MCTP2: variants seen among roughly 807,000 people sequenced by gnomAD.
MCTP2 encodes the protein multiple C2 and transmembrane domain containing 2.
A neutral mutation model predicts 111.6 loss-of-function variants in MCTP2; 132 were observed. The observed-to-expected ratio is 1.18, with a 90% CI of 1.03 to 1.37. The LOEUF is 1.37. MCTP2 is among the 40% of genes most tolerant of loss of function. The pLI is 0.00. For synonymous variants in MCTP2, 395 were observed against 387.7 expected, an observed-to-expected ratio of 1.02 and a Z score of -0.22; for missense variants, 1,183 against 1,067.9, an observed-to-expected ratio of 1.11 and a Z score of -1.50.
intron 1 of MCTP2, among the ~76,000 whole-genome samples, chr15:94,263,820 C>T (rs2073346442): frequency 6.6e-6 from 1 of 152,194 alleles, no homozygotes; most frequent in South Asian, 2.1e-4. Flanking sequence ...CACAAAAGTG[C>T]TGTGGGGTTA....
At chr15:94,283,236 G>A (rs1218634981) in intron 1 of MCTP2, among the ~76,000 whole-genome samples, 2 of 152,178 alleles carry the variant, frequency 1.3e-5, no homozygotes, top group Non-Finnish European at 2.9e-5. Flanking sequence ...CCTGGGAGAG[G>A]CCAGCAGACA....
At chr15:94,283,489 G>A (rs2074599989) in intron 1 of MCTP2, among the ~76,000 whole-genome samples, 1 of 152,168 alleles carries the variant, frequency 6.6e-6, no homozygotes, top group African/African-American at 2.4e-5. Context: ...AATATCTGGG[G>A]GGGTTGTGGG....
rs555621004 is a variant in MCTP2, at chr15:94,399,840, G to A, written c.1891-81G>A. On this transcript the variant is annotated intron_variant, in intron 15 of 22. Coordinates refer to ENST00000357742, the MANE Select transcript of MCTP2 (RefSeq NM_001385001.1). ...AGAGTCAGAAGCTATTGGTCTGCACGATTTTCCCAGTCATTAAGAAAACTA... is the reference window on the plus strand; with the variant it reads ...AGAGTCAGAAGCTATTGGTCTGCACAATTTTCCCAGTCATTAAGAAAACTA... The A allele has an allele frequency of 3.0e-5, 38 of 1,249,108 alleles. 1 individual carries two copies. In the Middle Eastern group the frequency reaches 5.7e-4, roughly 19 times the overall value. 77.4% of individuals were successfully genotyped at this position (1,249,108 alleles called of 1,614,324 possible).
chr15:94,440,489 C>T (rs1183947877), intron 18 of MCTP2, among the ~76,000 whole-genome samples, 191 bp downstream of exon 18: 1 of 152,184 alleles, frequency 6.6e-6, no homozygotes, highest in South Asian at 2.1e-4. Context: ...TGGCATCTTA[C>T]GTTCCTGAGT....
At chr15:94,436,343 A>T (rs948548765) in intron 17 of MCTP2, among the ~76,000 whole-genome samples, 2 of 152,208 alleles carry the variant, frequency 1.3e-5, no homozygotes, top group Non-Finnish European at 2.9e-5. Flanking sequence ...TTCTTTGAAG[A>T]TGCTTAGATA....
intron 17 of MCTP2, among the ~76,000 whole-genome samples, chr15:94,413,932 C>A (rs997424838): frequency 1.3e-5 from 2 of 152,004 alleles, no homozygotes; most frequent in African/African-American, 4.8e-5. Flanking sequence ...TATATATATT[C>A]ATTTATGGTT....
chr15:94,438,422 A>G (rs1219795928), intron 17 of MCTP2, among the ~76,000 whole-genome samples: 1 of 152,130 alleles, frequency 6.6e-6, no homozygotes, highest in Non-Finnish European at 1.5e-5. Context: ...AAGGTTGACA[A>G]AAAGAACACG....
chr15:94,285,648 A>G (rs2074715431), intron 1 of MCTP2, among the ~76,000 whole-genome samples: 1 of 152,184 alleles, frequency 6.6e-6, no homozygotes, highest in Admixed American at 6.5e-5. Flanking sequence ...TTGGAATTAA[A>G]GTGGATGTGT....
chr15:94,397,626 C>G (rs1333626929), intron 14 of MCTP2, among the ~76,000 whole-genome samples: 1 of 152,172 alleles, frequency 6.6e-6, no homozygotes, highest in East Asian at 1.9e-4. Flanking sequence ...CTGTATCAAG[C>G]CTATTCAATC....
intron 12 of MCTP2, 110 bp downstream of exon 12, chr15:94,370,290 G>A: frequency 2.6e-6 from 2 of 769,234 alleles, no homozygotes; most frequent in East Asian, 2.9e-5. Flanking sequence ...TAACAGTCAT[G>A]CTCCTTCAAA....
At chr15:94,471,990 G>A (rs1295752194) in intron 21 of MCTP2, among the ~76,000 whole-genome samples, 1 of 152,180 alleles carries the variant, frequency 6.6e-6, no homozygotes, top group East Asian at 1.9e-4. Flanking sequence ...TAAGTTGAGT[G>A]CCATGGTCAG....
intron 2 of MCTP2, 125 bp from the exon 3 acceptor site, chr15:94,314,157 G>A (rs1439819184): frequency 1.6e-5 from 10 of 631,288 alleles, no homozygotes; most frequent in Non-Finnish European, 2.5e-5. Flanking sequence ...CAGGAAGGCG[G>A]CCCTCACTGA....
At chr15:94,247,698 A>G (rs1156711885) in intron 1 of MCTP2, among the ~76,000 whole-genome samples, 1 of 152,200 alleles carries the variant, frequency 6.6e-6, no homozygotes, top group Non-Finnish European at 1.5e-5. Context: ...ATGCCTCTGT[A>G]AAAAGCTGCC....
At chr15:94,315,848 C>T (rs528157570) in intron 4 of MCTP2, among the ~76,000 whole-genome samples, 2 of 152,144 alleles carry the variant, frequency 1.3e-5, no homozygotes, top group Non-Finnish European at 2.9e-5. Context: ...GTTAATGATA[C>T]GAATCATCAC....
At chr15:94,362,100 G>T (rs192512569) in intron 10 of MCTP2, among the ~76,000 whole-genome samples, 4 of 152,106 alleles carry the variant, frequency 2.6e-5, no homozygotes, top group Non-Finnish European at 5.9e-5. Flanking sequence ...ATCAACCATC[G>T]CCTGAAACTG....
chr15:94,297,489 C>T lies in MCTP2; in HGVS notation c.-65-712C>T, dbSNP rs561731363. ...TTATAAATGTGTTTTGCTCTAATCACCTGTATGTGAATATAAATTTGAAAG... is the reference window on the plus strand; with the variant it reads ...TTATAAATGTGTTTTGCTCTAATCATCTGTATGTGAATATAAATTTGAAAG... On this transcript the variant is annotated intron_variant, in intron 1 of 22. Transcript: ENST00000357742. Among the ~76,000 whole-genome samples the T allele has an allele frequency of 1.5e-3, 233 of 152,140 alleles. 1 individual carries two copies. Among genetic ancestry groups the T allele is most frequent in the African/African-American group, 5.5e-3 (228 of 41,492 alleles).
chr15:94,273,186 G>T (rs946408944), intron 1 of MCTP2, among the ~76,000 whole-genome samples: 2 of 152,178 alleles, frequency 1.3e-5, no homozygotes, highest in Admixed American at 6.5e-5. Context: ...GATAGAACAA[G>T]AAGATGAACA....
At chr15:94,302,082 T>A (rs889867457) in intron 2 of MCTP2, among the ~76,000 whole-genome samples, 1 of 152,172 alleles carries the variant, frequency 6.6e-6, no homozygotes, top group African/African-American at 2.4e-5. Context: ...ACTTACTTTG[T>A]TTTTAGCTTT....
At position 94,470,303 on chromosome 15, in the gene MCTP2, G is replaced by C. The variant is rs1167893439; in HGVS notation, c.2361-30G>C. The stretch of plus-strand genomic sequence containing the variant: ...TCTGTGGCAGTTGTTGAACATCAGA[G>C]GAAATTATATTTATGTGGTTTGTCT... On this transcript the variant is annotated intron_variant, in intron 20 of 22. Coordinates refer to ENST00000357742, the MANE Select transcript of MCTP2 (RefSeq NM_001385001.1). The C allele has an allele frequency of 2.1e-6, 3 of 1,443,644 alleles. No individual in the cohort carries two copies. In the East Asian group the frequency reaches 6.8e-5, roughly 33 times the overall value. The allele number at this position is 1,443,644 out of a possible 1,614,324, so 89.4% of individuals were successfully genotyped here.
Sources: allele counts gnomAD v4.1 joint callset (sites outside exome capture counted in the v4.1 genomes callset), GRCh38; gene constraint gnomAD v4.1.1; transcripts MANE v1.5; gene names NCBI Gene and HGNC (gene_info 2026-07-23, HGNC 2026-07-21).